The following SH3BGR variants were observed in gnomAD, a reference collection of about 807,000 sequenced individuals.
The protein encoded by SH3BGR is SH3 domain binding glutamate rich protein.
A neutral mutation model predicts 24.5 loss-of-function variants in SH3BGR; 29 were observed. The observed-to-expected ratio is 1.18, with a 90% CI of 0.88 to 1.61. SH3BGR has a LOEUF of 1.61. SH3BGR is among the 40% of genes most tolerant of loss of function. SH3BGR has a pLI of 0.00. For missense variants in SH3BGR, 162 were observed against 205.8 expected, an observed-to-expected ratio of 0.79 and a Z score of 1.30; for synonymous variants, 55 against 65.7, an observed-to-expected ratio of 0.84 and a Z score of 0.79.
intron 3 of SH3BGR, chr21:39,491,581 G>T: frequency 3.7e-6 from 1 of 268,846 alleles, no homozygotes; most frequent in Non-Finnish European, 7.3e-6. Context: ...GGCAGCACCC[G>T]CAGGTCTAAG....
rs184998778 is a variant in SH3BGR, at chr21:39,499,703, C to G, written c.313-120C>G. ...CTAAGTGACCTAATGAGTGGGCAGT[C>G]TATGTTTGCTTCATTTATATACTGT... is the stretch of plus-strand genomic sequence containing the variant. On this transcript the variant is annotated intron_variant, in intron 3 of 6. Coordinates refer to ENST00000333634, the MANE Select transcript of SH3BGR (RefSeq NM_007341.3). 7.6e-4 allele frequency: 502 copies of G among 661,626 alleles called. 3 individuals are homozygous for G. Among genetic ancestry groups the G allele is most frequent in the Non-Finnish European group, 5.5e-4 (211 of 387,094 alleles). 41.0% of individuals were successfully genotyped at this position (661,626 alleles called of 1,614,324 possible). A position where few individuals can be genotyped will look rare whatever the true frequency, so the allele number is the denominator to read the frequency against.
intron 3 of SH3BGR, among the ~76,000 whole-genome samples, chr21:39,495,055 TA>T (rs2078369967): frequency 1.3e-5 from 2 of 152,218 alleles, no homozygotes; most frequent in African/African-American, 4.8e-5. Flanking sequence ...TTGATTTTTT[TA>T]ATTTCTATTT....
chr21:39,502,387 C>T (rs2078509566), intron 4 of SH3BGR, among the ~76,000 whole-genome samples: 1 of 152,190 alleles, frequency 6.6e-6, no homozygotes, highest in Non-Finnish European at 1.5e-5. Context: ...AAACTCCTGG[C>T]TCCGTTGAAA....
At chr21:39,481,639 A>T (rs1307498871) in intron 3 of SH3BGR, among the ~76,000 whole-genome samples, 2 of 152,242 alleles carry the variant, frequency 1.3e-5, no homozygotes, top group Admixed American at 1.3e-4. Context: ...TCACATATAT[A>T]GATAACTATC....
Position 39,491,511 on chromosome 21 carries a change from A to G in SH3BGR, c.313-8312A>G, listed in dbSNP as rs138730418. ...TCCATTTTATTTTTCTCCAGAGAAT[A>G]GTTTTTCTTCAGTCTTCTAAGGCCT... is the stretch of plus-strand genomic sequence containing the variant. On this transcript the variant is annotated intron_variant, in intron 3 of 6. Transcript: ENST00000333634. The G allele has an allele frequency of 4.9e-3, 1,108 of 226,936 alleles. 7 individuals are homozygous for G. Among genetic ancestry groups the G allele is most frequent in the African/African-American group, 0.023 (1,002 of 42,854 alleles). The allele number at this position is 226,936 out of a possible 1,614,324, so 14.1% of individuals were successfully genotyped here.
At position 39,511,455 on chromosome 21, in the gene SH3BGR, C is replaced by T. The variant is rs544667039; in HGVS notation, c.436-225C>T. ...GTGTGCTGTGTGTCATGTGTGTTTCCGTGGTGTGTGTGTGTTTGGGCGGTA... is the reference window on the plus strand; with the variant it reads ...GTGTGCTGTGTGTCATGTGTGTTTCTGTGGTGTGTGTGTGTTTGGGCGGTA... On this transcript the variant is annotated intron_variant, in intron 5 of 6. Coordinates refer to ENST00000333634, the MANE Select transcript of SH3BGR (RefSeq NM_007341.3). This position sits in a 1 kb window ranked among gnomAD's most constrained non-coding sequence, Gnocchi z 4.2. Among the ~76,000 whole-genome samples, 5 of 126,536 alleles carry T rather than the reference C, an allele frequency of 4.0e-5. No homozygotes were observed. The highest frequency in any genetic ancestry group is 5.1e-4 in the South Asian group (2 of 3,886). The allele number at this position is 126,536 out of a possible 152,430, so 83.0% of individuals were successfully genotyped here. A position where few individuals can be genotyped will look rare whatever the true frequency, so the allele number is the denominator to read the frequency against.
At chr21:39,506,799 G>A (rs1162844805) in intron 4 of SH3BGR, among the ~76,000 whole-genome samples, 1 of 152,168 alleles carries the variant, frequency 6.6e-6, no homozygotes, top group African/African-American at 2.4e-5. Context: ...AGTATCTTGA[G>A]GAGATGGAAG....
intron 3 of SH3BGR, among the ~76,000 whole-genome samples, chr21:39,493,411 A>AGATCGTTG (rs563585480): frequency 1.6e-4 from 25 of 152,324 alleles, no homozygotes; most frequent in African/African-American, 5.8e-4. Flanking sequence ...GCTTTGTCAA[A>AGATCGTTG]GATCGTTGGC....
intron 3 of SH3BGR, among the ~76,000 whole-genome samples, chr21:39,489,014 T>C (rs1182199462): frequency 6.6e-6 from 1 of 152,182 alleles, no homozygotes; most frequent in African/African-American, 2.4e-5. Context: ...ACAGAGAGAA[T>C]GAACAGTGTT....
intron 2 of SH3BGR, among the ~76,000 whole-genome samples, chr21:39,465,418 G>A (rs116508992): frequency 2.0e-5 from 3 of 152,256 alleles, no homozygotes; most frequent in Middle Eastern, 6.8e-3. Context: ...TCTGTAGCTC[G>A]TCCTACTCTG....
intron 2 of SH3BGR, among the ~76,000 whole-genome samples, chr21:39,467,539 A>G (rs2077864277): frequency 6.6e-6 from 1 of 152,216 alleles, no homozygotes; most frequent in Non-Finnish European, 1.5e-5. Flanking sequence ...AAAGTAGGTA[A>G]AAATGATTAT....
intron 3 of SH3BGR, among the ~76,000 whole-genome samples, chr21:39,483,967 A>G (rs117345628): frequency 0.013 from 1,934 of 152,340 alleles, 17 homozygotes; most frequent in Non-Finnish European, 0.019. Context: ...CACTAAGGCA[A>G]TGAAATTTAT....
chr21:39,498,345 C>G (rs530816088), intron 3 of SH3BGR, among the ~76,000 whole-genome samples: 2 of 152,146 alleles, frequency 1.3e-5, no homozygotes, highest in East Asian at 3.9e-4. Context: ...TAAAAATAAC[C>G]TGATATTTTA....
intron 6 of SH3BGR, among the ~76,000 whole-genome samples, chr21:39,513,668 A>T (rs927132452): frequency 6.6e-6 from 1 of 152,114 alleles, no homozygotes; most frequent in Non-Finnish European, 1.5e-5. Flanking sequence ...TCCATTTCTA[A>T]GGAGTGGGTT....
intron 3 of SH3BGR, 99 bp downstream of exon 3, chr21:39,475,314 A>C: frequency 1.4e-6 from 1 of 733,768 alleles, no homozygotes; most frequent in East Asian, 2.5e-5. Context: ...ATGATCTCTA[A>C]ATTAACATTA....
At chr21:39,473,398 A>G (rs2077973632) in intron 2 of SH3BGR, among the ~76,000 whole-genome samples, 2 of 152,228 alleles carry the variant, frequency 1.3e-5, no homozygotes, top group South Asian at 4.1e-4. Context: ...TTTAACAATG[A>G]TTAGTAAGTG....
At chr21:39,502,171 A>C (rs548381138) in intron 4 of SH3BGR, among the ~76,000 whole-genome samples, 11 of 151,000 alleles carry the variant, frequency 7.3e-5, no homozygotes, top group African/African-American at 2.7e-4. Context: ...AGACCATCTC[A>C]AAAAAAAATT....
At chr21:39,458,441 C>G (rs915955144) in intron 1 of SH3BGR, among the ~76,000 whole-genome samples, 1 of 151,360 alleles carries the variant, frequency 6.6e-6, no homozygotes, top group Non-Finnish European at 1.5e-5. Flanking sequence ...CGGATTCAAG[C>G]GATTCTCCTG....
Position 39,481,588 on chromosome 21 carries a change from C to G in SH3BGR, c.312+6373C>G, listed in dbSNP as rs187154478. Among the ~76,000 whole-genome samples the G allele has an allele frequency of 1.4e-4, 21 of 152,242 alleles. No individual in the cohort carries two copies. The East Asian group carries it at 3.9e-3, about 28-fold the overall frequency. On this transcript the variant is annotated intron_variant, in intron 3 of 6. Coordinates refer to ENST00000333634, the MANE Select transcript of SH3BGR (RefSeq NM_007341.3). ...GTTTAGGGCTACATTTATAGAAAACCTATCTACGCTTAAGTCTATTAAAAT... is the reference window on the plus strand; with the variant it reads ...GTTTAGGGCTACATTTATAGAAAACGTATCTACGCTTAAGTCTATTAAAAT...
Sources: gnomAD v4.1 joint callset for allele counts (sites outside exome capture counted in the v4.1 genomes callset) on GRCh38, gnomAD v4.1.1 for gene constraint, Gnocchi (gnomAD v3.1) non-coding constraint, MANE v1.5 for transcripts, NCBI Gene and HGNC (gene_info 2026-07-23, HGNC 2026-07-21) for gene names.